The following MICU1 variants were observed in gnomAD, a reference collection of about 807,000 sequenced individuals.
The protein encoded by MICU1 is calcium uptake protein 1, mitochondrial.
MICU1 carries 45 observed loss-of-function variants against 56.8 expected under a neutral mutation model. The ratio of observed to expected loss-of-function variants is 0.79; its 90% CI spans 0.62 to 1.02. MICU1 has a LOEUF of 1.02. Among genes scored for constraint, MICU1 ranks in the 50% least tolerant of loss-of-function variants. MICU1 has a pLI of 0.00. For missense variants in MICU1, 504 were observed against 587.1 expected (o/e 0.86, Z 1.46); for synonymous variants, 186 against 195.1 (o/e 0.95, Z 0.39).
intron 4 of MICU1, among the ~76,000 whole-genome samples, chr10:72,543,030 TCTGA>T (rs1246358841): frequency 2.6e-5 from 4 of 152,194 alleles, no homozygotes; most frequent in Non-Finnish European, 5.9e-5. Flanking sequence ...CAGCTGCTTC[TCTGA>T]CTGAGTCTGG....
chr10:72,414,915 C>T (rs1052238580), intron 9 of MICU1, among the ~76,000 whole-genome samples: 6 of 151,984 alleles, frequency 3.9e-5, no homozygotes, highest in African/African-American at 1.5e-4. Flanking sequence ...TGCCCAAGTT[C>T]TGTCTATGGC....
chr10:72,539,708 A>C (rs1252022661), intron 4 of MICU1, among the ~76,000 whole-genome samples: 1 of 152,162 alleles, frequency 6.6e-6, no homozygotes, highest in Non-Finnish European at 1.5e-5. Context: ...TCAACTAAAT[A>C]TTAGTAGGAG....
At chr10:72,590,128 A>T (rs971009402) in intron 1 of MICU1, among the ~76,000 whole-genome samples, 2 of 152,146 alleles carry the variant, frequency 1.3e-5, no homozygotes, top group Non-Finnish European at 2.9e-5. Flanking sequence ...ATTTTTTTTT[A>T]AACATGACTT....
intron 2 of MICU1, among the ~76,000 whole-genome samples, chr10:72,564,307 G>A (rs536716962): frequency 4.6e-5 from 7 of 152,250 alleles, no homozygotes; most frequent in East Asian, 1.9e-4. Context: ...TCGGGAGGCC[G>A]AGGTGGGTGG....
intron 1 of MICU1, among the ~76,000 whole-genome samples, chr10:72,590,926 A>G (rs557933334): frequency 1.3e-5 from 2 of 152,034 alleles, no homozygotes; most frequent in South Asian, 4.1e-4. Flanking sequence ...ACTCTACCCA[A>G]CAACAGCATA....
chr10:72,570,337 T>A (rs1840577449), intron 1 of MICU1, among the ~76,000 whole-genome samples: 1 of 150,440 alleles, frequency 6.6e-6, no homozygotes, highest in African/African-American at 2.4e-5. Context: ...GCCCAAATTA[T>A]TTTTTTTTTC....
intron 10 of MICU1, among the ~76,000 whole-genome samples, chr10:72,381,063 C>T (rs1017402480): frequency 2.6e-5 from 4 of 152,150 alleles, no homozygotes; most frequent in Non-Finnish European, 5.9e-5. Flanking sequence ...GCACATGTAA[C>T]GAATGTGGCC....
chr10:72,442,020 A>G (rs1864952425), intron 8 of MICU1, among the ~76,000 whole-genome samples: 1 of 152,176 alleles, frequency 6.6e-6, no homozygotes, highest in Non-Finnish European at 1.5e-5. Context: ...GTAGACTACA[A>G]TCTAATGATT....
At chr10:72,399,520 C>A (rs1367403153) in intron 10 of MICU1, among the ~76,000 whole-genome samples, 3 of 152,080 alleles carry the variant, frequency 2.0e-5, no homozygotes, top group Non-Finnish European at 4.4e-5. Flanking sequence ...TTGGCACGTG[C>A]CTGTAATCCC....
intron 5 of MICU1, chr10:72,523,965 G>A: frequency 7.5e-7 from 1 of 1,338,420 alleles, no homozygotes; most frequent in Non-Finnish European, 9.6e-7. Flanking sequence ...TTCCCCTTAA[G>A]CCATTTTACT....
intron 9 of MICU1, among the ~76,000 whole-genome samples, chr10:72,421,518 G>T (rs1435079163): frequency 2.0e-5 from 3 of 152,090 alleles, no homozygotes; most frequent in Non-Finnish European, 4.4e-5. Flanking sequence ...CAGGTGATCT[G>T]CGTGTCTTGA....
At chr10:72,563,756 C>T (rs149624792) in intron 2 of MICU1, among the ~76,000 whole-genome samples, 20 of 152,296 alleles carry the variant, frequency 1.3e-4, no homozygotes, top group Middle Eastern at 6.8e-3. Flanking sequence ...AAACCAGAGA[C>T]GATGAGCCCT....
chr10:72,400,979 A>ATTT (rs1403162525), intron 10 of MICU1, among the ~76,000 whole-genome samples: 1 of 151,840 alleles, frequency 6.6e-6, no homozygotes, highest in Non-Finnish European at 1.5e-5. Flanking sequence ...TATTATTATT[A>ATTT]TTAGAGATGA....
intron 11 of MICU1, among the ~76,000 whole-genome samples, chr10:72,375,258 A>C (rs894999599): frequency 9.2e-5 from 14 of 152,204 alleles, no homozygotes; most frequent in African/African-American, 3.4e-4. Flanking sequence ...TTAGTATATC[A>C]GCTACCATAC....
intron 5 of MICU1, among the ~76,000 whole-genome samples, chr10:72,513,551 T>TA (rs1867552014): frequency 6.6e-6 from 1 of 152,220 alleles, no homozygotes; most frequent in African/African-American, 2.4e-5. Flanking sequence ...AGAAAAGTTT[T>TA]AAATATTGAA....
intron 8 of MICU1, among the ~76,000 whole-genome samples, chr10:72,459,628 T>C (rs1244602435): frequency 6.6e-6 from 1 of 152,210 alleles, no homozygotes; most frequent in Non-Finnish European, 1.5e-5. Context: ...TGTCCCTCAC[T>C]TTCTTTTTTG....
intron 8 of MICU1, among the ~76,000 whole-genome samples, chr10:72,454,520 T>A (rs1247446060): frequency 6.9e-6 from 1 of 144,682 alleles, no homozygotes; most frequent in African/African-American, 2.6e-5. Flanking sequence ...CGGTGGCTCA[T>A]GCCTGTAATC....
chr10:72,379,632 C>A (rs780870047), intron 10 of MICU1: 12 of 389,258 alleles, frequency 3.1e-5, no homozygotes, highest in Non-Finnish European at 6.2e-5. Flanking sequence ...TCAGTGAGAG[C>A]TCTTGACAAT....
intron 8 of MICU1, among the ~76,000 whole-genome samples, chr10:72,438,299 C>A (rs1159419664): frequency 1.3e-5 from 2 of 152,334 alleles, no homozygotes; most frequent in African/African-American, 2.4e-5. Flanking sequence ...TGAATGACTA[C>A]TGGGTAAATA....
Sources: gnomAD v4.1 joint callset for allele counts (sites outside exome capture counted in the v4.1 genomes callset) on GRCh38, gnomAD v4.1.1 for gene constraint, MANE v1.5 for transcripts, NCBI Gene and HGNC (gene_info 2026-07-23, HGNC 2026-07-21) for gene names.